Variants in TMTC2 observed in about 807,000 individuals in gnomAD.
TMTC2 encodes the protein transmembrane O-mannosyltransferase targeting cadherins 2, also known as protein O-mannosyl-transferase TMTC2.
A neutral mutation model predicts 82.4 loss-of-function variants in TMTC2; 43 were observed. The observed-to-expected ratio is 0.52, with a 90% CI of 0.41 to 0.67. TMTC2 has a LOEUF of 0.67. Among genes scored for constraint, TMTC2 ranks in the 30% least tolerant of loss-of-function variants. TMTC2 has a pLI of 0.00. For synonymous variants in TMTC2, 408 were observed against 381.9 expected (o/e 1.07, Z -0.80); for missense variants, 919 against 1,012.4 (o/e 0.91, Z 1.25).
At chr12:82,807,240 A>C (rs1879289376) in intron 1 of TMTC2, among the ~76,000 whole-genome samples, 1 of 152,102 alleles carries the variant, frequency 6.6e-6, no homozygotes, top group African/African-American at 2.4e-5. Context: ...CTTTAATTTG[A>C]TAGTTTTACC....
In TMTC2 at chr12:82,810,000, AGAG is replaced by A. The variant is rs1418927640; in HGVS notation, c.84-47006_84-47004del. On this transcript the variant is annotated intron_variant, in intron 1 of 11. Coordinates refer to ENST00000321196, the MANE Select transcript of TMTC2 (RefSeq NM_152588.3). ...TATATCATCTTAATCTCTTCATTTT[AGAG>A]GAGCTGAAATGCTGAGAATTTATAT... is the stretch of plus-strand genomic sequence containing the variant. 5.3e-5 allele frequency among the ~76,000 whole-genome samples: 8 copies of A among 152,212 alleles called. No homozygotes were observed. In the East Asian group the frequency reaches 1.4e-3, roughly 26 times the overall value.
intron 8 of TMTC2, among the ~76,000 whole-genome samples, chr12:83,027,994 T>C (rs1261932530): frequency 6.6e-6 from 1 of 152,214 alleles, no homozygotes; most frequent in Non-Finnish European, 1.5e-5. Context: ...GACATTTGTA[T>C]AGACAGTGCT....
intron 11 of TMTC2, among the ~76,000 whole-genome samples, chr12:83,129,038 C>G (rs1885181438): frequency 6.6e-6 from 1 of 152,128 alleles, no homozygotes; most frequent in Admixed American, 6.5e-5. Flanking sequence ...GTATAAATTT[C>G]ATGTTTCCTT....
intron 10 of TMTC2, among the ~76,000 whole-genome samples, chr12:83,054,028 T>C (rs890382242): frequency 1.3e-5 from 2 of 152,084 alleles, no homozygotes; most frequent in African/African-American, 4.8e-5. Context: ...TGTCAATGAA[T>C]GTATGTGAAT....
intron 1 of TMTC2, among the ~76,000 whole-genome samples, chr12:82,806,543 G>A (rs1170981630): frequency 2.0e-5 from 3 of 152,094 alleles, no homozygotes; most frequent in Non-Finnish European, 4.4e-5. Flanking sequence ...CCGTGCAGTC[G>A]AAAATGTGCA....
chr12:82,728,886 T>C (rs6539681), intron 1 of TMTC2, among the ~76,000 whole-genome samples: 150,639 of 152,330 alleles, frequency 0.99, 74,504 homozygotes, highest in Middle Eastern at 1. Context: ...CCCGCTGCAC[T>C]GGGCAGTGAG....
intron 3 of TMTC2, among the ~76,000 whole-genome samples, chr12:82,905,959 A>G (rs574122333): frequency 1.4e-4 from 21 of 152,048 alleles, no homozygotes; most frequent in East Asian, 9.7e-4. Context: ...AAAAAAAAAA[A>G]AGAGAAAGGA....
At chr12:82,696,306 G>A (rs999991817) in intron 1 of TMTC2, among the ~76,000 whole-genome samples, 10 of 152,108 alleles carry the variant, frequency 6.6e-5, no homozygotes, top group African/African-American at 2.4e-4. Flanking sequence ...ATTTAAAATA[G>A]GAAGGTTATT....
intron 8 of TMTC2, among the ~76,000 whole-genome samples, chr12:83,014,570 T>C (rs2137392410): frequency 6.6e-6 from 1 of 152,184 alleles, no homozygotes; most frequent in South Asian, 2.1e-4. Flanking sequence ...AACTCCTGGG[T>C]TCAAGTGATC....
chr12:82,984,868 A>G (rs1743878411), intron 7 of TMTC2, among the ~76,000 whole-genome samples: 2 of 152,196 alleles, frequency 1.3e-5, no homozygotes, highest in African/African-American at 4.8e-5. Context: ...CTCTGCTGTT[A>G]GTGAAATGCT....
At chr12:83,063,097 T>C (rs1454624429) in intron 11 of TMTC2, among the ~76,000 whole-genome samples, 3 of 151,768 alleles carry the variant, frequency 2.0e-5, no homozygotes, top group Non-Finnish European at 4.4e-5. Context: ...TTTATAGACA[T>C]CATGCAGAAG....
chr12:82,791,978 TC>T (rs1878491263), intron 1 of TMTC2, among the ~76,000 whole-genome samples: 1 of 152,164 alleles, frequency 6.6e-6, no homozygotes, highest in Admixed American at 6.5e-5. Context: ...GACGTATACT[TC>T]CCTGCCCCAT....
intron 1 of TMTC2, chr12:82,760,042 G>T (rs1876525866): frequency 6.6e-6 from 1 of 152,070 alleles, no homozygotes; most frequent in South Asian, 2.1e-4. Flanking sequence ...CCTGTGTTTT[G>T]TGTTTTTCTT....
At chr12:82,948,129 G>T (rs940090817) in intron 4 of TMTC2, among the ~76,000 whole-genome samples, 3 of 152,170 alleles carry the variant, frequency 2.0e-5, no homozygotes, top group African/African-American at 7.2e-5. Context: ...ACTTTGGGAG[G>T]CCAAGGCACG....
At chr12:82,820,899 G>A (rs1339745624) in intron 1 of TMTC2, among the ~76,000 whole-genome samples, 2 of 151,818 alleles carry the variant, frequency 1.3e-5, no homozygotes, top group African/African-American at 4.8e-5. Flanking sequence ...TTTTTTACAG[G>A]CAAGGTCTCA....
chr12:83,048,855 G>T (rs1460834245), intron 9 of TMTC2, among the ~76,000 whole-genome samples: 2 of 152,166 alleles, frequency 1.3e-5, no homozygotes, highest in Non-Finnish European at 2.9e-5. Context: ...TTTTAATAGA[G>T]ACTGGCTTTC....
intron 7 of TMTC2, among the ~76,000 whole-genome samples, chr12:82,977,275 A>C (rs901323331): frequency 6.6e-6 from 1 of 151,972 alleles, no homozygotes; most frequent in Non-Finnish European, 1.5e-5. Flanking sequence ...TGATTCTAAA[A>C]CAGTGAAATA....
chr12:82,715,393 G>A (rs1873850283), intron 1 of TMTC2, among the ~76,000 whole-genome samples: 2 of 152,122 alleles, frequency 1.3e-5, no homozygotes, highest in Non-Finnish European at 2.9e-5. Context: ...TTTTTCTTAG[G>A]GGAAAAGGAG....
At chr12:82,707,488 T>C (rs138769903) in intron 1 of TMTC2, among the ~76,000 whole-genome samples, 1 of 152,328 alleles carries the variant, frequency 6.6e-6, no homozygotes, top group East Asian at 1.9e-4. Context: ...AGAGCTCTAA[T>C]GAGGCCATGA....
Sources: allele counts gnomAD v4.1 joint callset (sites outside exome capture counted in the v4.1 genomes callset), GRCh38; gene constraint gnomAD v4.1.1; transcripts MANE v1.5; gene names NCBI Gene and HGNC (gene_info 2026-07-23, HGNC 2026-07-21).